Variants in CAPN12 observed in about 807,000 individuals in gnomAD.
The protein encoded by CAPN12 is calpain 12.
A neutral mutation model predicts 95.0 loss-of-function variants in CAPN12; 107 were observed. That is an observed-to-expected ratio of 1.13 (90% CI 0.96 to 1.32). The LOEUF (loss-of-function observed/expected upper bound fraction) is 1.32, where lower values mean the gene tolerates loss of function less well. CAPN12 is among the 40% of genes most tolerant of loss of function. The pLI, the probability that CAPN12 is intolerant of heterozygous loss-of-function variation, is 0.00. For synonymous variants in CAPN12, 505 were observed against 415.5 expected (o/e 1.22, Z -2.62); for missense variants, 1,136 against 997.8 (o/e 1.14, Z -1.87).
chr19:38,730,596 G>C lies in CAPN12; in HGVS notation c.*256C>G. The C allele has an allele frequency of 1.8e-6, 1 of 570,806 alleles. No individual in the cohort carries two copies. The highest frequency in any genetic ancestry group is 2.2e-5 in the South Asian group (1 of 45,248). 35.4% of individuals were successfully genotyped at this position (570,806 alleles called of 1,614,324 possible). A position where few individuals can be genotyped will look rare whatever the true frequency, so the allele number is the denominator to read the frequency against. ...TCCTCCACCTTCTAGGAGAGCCAGG[G>C]CAGAGCTAGCACTGTCTTAAGCTGT... On this transcript the variant is annotated 3_prime_UTR_variant, in exon 21 of 21. Transcript: ENST00000328867.
intron 4 of CAPN12, 79 bp downstream of exon 4, chr19:38,741,698 G>C (rs891221457): frequency 2.6e-6 from 4 of 1,557,198 alleles, no homozygotes; most frequent in Non-Finnish European, 3.5e-6. Flanking sequence ...GCAGAGCTTG[G>C]GGGACTCTGG....
chr19:38,744,464 A>G lies in CAPN12; in HGVS notation c.-299T>C. 1 of 489,374 alleles carries G rather than the reference A, an allele frequency of 2.0e-6. No homozygotes were observed. Among genetic ancestry groups the G allele is most frequent in the East Asian group, 3.9e-5 (1 of 25,528 alleles). 30.3% of individuals were successfully genotyped at this position (489,374 alleles called of 1,614,324 possible). ...GGCTGCCGCTGTCAGAGCACCAAGAAGGAGGTCAGTGTGGGGGTGAGCTTC... is the reference window on the plus strand; with the variant it reads ...GGCTGCCGCTGTCAGAGCACCAAGAGGGAGGTCAGTGTGGGGGTGAGCTTC... On this transcript the variant is annotated 5_prime_UTR_variant, in exon 1 of 21. Coordinates refer to ENST00000328867, the MANE Select transcript of CAPN12 (RefSeq NM_144691.4).
At chr19:38,738,830 G>A in intron 5 of CAPN12, 182 bp from the exon 6 acceptor site, 1 of 613,512 alleles carries the variant, frequency 1.6e-6, no homozygotes, top group South Asian at 1.9e-5. Flanking sequence ...GAGGAAGGGA[G>A]ATGGAAACGA....
At chr19:38,734,107 C>T (rs1439650103) in intron 17 of CAPN12, 35 bp downstream of exon 17, 3 of 1,609,732 alleles carry the variant, frequency 1.9e-6, no homozygotes, top group South Asian at 2.2e-5. Flanking sequence ...AAAGGTTTCT[C>T]TCTTTCTGGG....
rs71165570 is a variant in CAPN12, at chr19:38,736,923, A to ACTCCCCTC, written c.1362+225_1362+232dup. 5,901 of 130,664 alleles carry ACTCCCCTC rather than the reference A, an allele frequency of 0.045. 172 individuals carry two copies. The highest frequency in any genetic ancestry group is 0.11 in the Admixed American group (656 of 5,998). The allele number at this position is 130,664 out of a possible 1,614,324, so 8.1% of individuals were successfully genotyped here. On this transcript the variant is annotated intron_variant, in intron 10 of 20. Transcript: ENST00000328867. ...GGCCCCCCAGCCCTACTAGCCCCCT[A>ACTCCCCTC]CTCCCCTCCCAGCGCCGCCCCCTCT...
At chr19:38,734,719 G>A in intron 15 of CAPN12, 94 bp downstream of exon 15, 1 of 1,160,240 alleles carries the variant, frequency 8.6e-7, no homozygotes, top group Middle Eastern at 2.4e-4. Flanking sequence ...ACTCCCAGCA[G>A]CGCGGTGGGT....
At position 38,738,457 on chromosome 19, in the gene CAPN12, G is replaced by A; in HGVS notation, c.851C>T (p.Pro284Leu). Residue 284 changes from proline to leucine, a missense_variant, in exon 7 of 21, where the codon CCA (proline) becomes CTA (leucine). Coordinates refer to ENST00000328867, the MANE Select transcript of CAPN12 (RefSeq NM_144691.4). ...CCCCGTCCACTCCACGCAGCCCCAT[G>A]GGTTCCGCAGCCGCAGCAGCCGCAC... Reference protein sequence around the residue: ...TKVRLLRLRNPWGCVEWTGAW... With the variant: ...TKVRLLRLRNLWGCVEWTGAW... 2 of 1,610,500 alleles carry A rather than the reference G, an allele frequency of 1.2e-6. No homozygotes were observed. The highest frequency in any genetic ancestry group is 1.7e-6 in the Non-Finnish European group (2 of 1,178,288).
chr19:38,743,755 C>T (rs554050341), intron 1 of CAPN12, among the ~76,000 whole-genome samples, 174 bp downstream of exon 1: 35 of 148,548 alleles, frequency 2.4e-4, no homozygotes, highest in Non-Finnish European at 4.6e-4. Context: ...CCCTCAGACC[C>T]AGGAGTCCAG....
chr19:38,738,202 G>A, intron 8 of CAPN12, 71 bp downstream of exon 8: 1 of 1,512,908 alleles, frequency 6.6e-7, no homozygotes, highest in Non-Finnish European at 9.1e-7. Flanking sequence ...TCCTTCAACT[G>A]GGGCTCGCCC....
At chr19:38,730,935 G>A (rs1168571081) in intron 20 of CAPN12, 30 bp downstream of exon 20, 1 of 1,550,492 alleles carries the variant, frequency 6.4e-7, no homozygotes, top group South Asian at 1.2e-5. Flanking sequence ...GACAGAGCCT[G>A]AGCCACCCTG....
intron 4 of CAPN12, among the ~76,000 whole-genome samples, chr19:38,741,224 CTG>C (rs1248899554): frequency 6.6e-6 from 1 of 152,064 alleles, no homozygotes; most frequent in African/African-American, 2.4e-5. Context: ...TTATGAGTGA[CTG>C]GGGGTCTCCA....
intron 8 of CAPN12, 42 bp from the exon 9 acceptor site, chr19:38,737,680 A>G: frequency 6.7e-7 from 1 of 1,494,006 alleles, no homozygotes; most frequent in Non-Finnish European, 8.9e-7. Context: ...CCCCACCTCG[A>G]GGGGGTCCCA....
chr19:38,740,019 G>A (rs200499989), intron 5 of CAPN12, 32 bp downstream of exon 5: 3 of 1,521,314 alleles, frequency 2.0e-6, no homozygotes, highest in Non-Finnish European at 2.6e-6. Flanking sequence ...TGGTCCTGGT[G>A]GGGGTTCCGC....
chr19:38,730,847 A>T lies in CAPN12; in HGVS notation c.*5T>A. 1 of 1,551,066 alleles carries T rather than the reference A, an allele frequency of 6.4e-7. No homozygotes were observed. Among genetic ancestry groups the T allele is most frequent in the South Asian group, 1.2e-5 (1 of 84,084 alleles). ...CTGAGCAGCAGGTGCGCCCATCCGGAGATCCTAGGAGAAGGTGGCCACCTC... is the reference window on the plus strand; with the variant it reads ...CTGAGCAGCAGGTGCGCCCATCCGGTGATCCTAGGAGAAGGTGGCCACCTC... On this transcript the variant is annotated 3_prime_UTR_variant, in exon 21 of 21. Transcript: ENST00000328867.
chr19:38,740,254 A>G (rs1216127781), intron 4 of CAPN12, 35 bp from the exon 5 acceptor site: 1 of 1,544,218 alleles, frequency 6.5e-7, no homozygotes, highest in East Asian at 2.4e-5. Context: ...GGTTGAGGCA[A>G]GTACAAGCGT....
chr19:38,730,776 A>G lies in CAPN12; in HGVS notation c.*76T>C, dbSNP rs1186192355. ...GTGGATGCCAGAGAGAGTGGCACCC[A>G]TGCCAGGCAAGGCCTAGGGAGGTGG... On this transcript the variant is annotated 3_prime_UTR_variant, in exon 21 of 21. Transcript: ENST00000328867. 7.2e-6 allele frequency: 11 copies of G among 1,522,180 alleles called. No individual in the cohort carries two copies. The highest frequency in any genetic ancestry group is 8.0e-6 in the Non-Finnish European group (9 of 1,123,664). 94.3% of individuals were successfully genotyped at this position (1,522,180 alleles called of 1,614,324 possible).
chr19:38,730,430 C>CT lies in CAPN12; in HGVS notation c.*421dup, dbSNP rs1202093647. On this transcript the variant is annotated 3_prime_UTR_variant, in exon 21 of 21. Transcript: ENST00000328867. ...TGGTTGATGGTTTTGCTCCCCCTAC[C>CT]TTTTTTTTTTGAGTTTATTCTGATT... 6.4e-3 allele frequency: 1,121 copies of CT among 175,770 alleles called. 2 individuals carry two copies. The highest frequency in any genetic ancestry group is 0.011 in the South Asian group (93 of 8,558). The allele number at this position is 175,770 out of a possible 1,614,324, so 10.9% of individuals were successfully genotyped here.
At chr19:38,732,298 C>T (rs1192044216) in intron 18 of CAPN12, among the ~76,000 whole-genome samples, 1 of 152,208 alleles carries the variant, frequency 6.6e-6, no homozygotes, top group African/African-American at 2.4e-5. Flanking sequence ...CCTTGGCTGT[C>T]TCTGACCCCA....
intron 2 of CAPN12, among the ~76,000 whole-genome samples, 154 bp downstream of exon 2, chr19:38,742,879 A>G (rs549617440): frequency 3.5e-5 from 5 of 142,680 alleles, no homozygotes; most frequent in African/African-American, 1.3e-4. Flanking sequence ...AAAAGGAAGG[A>G]AGGAAGGAGG....
Sources: gnomAD v4.1 joint callset for allele counts (sites outside exome capture counted in the v4.1 genomes callset) on GRCh38, gnomAD v4.1.1 for gene constraint, MANE v1.5 for transcripts, NCBI Gene and HGNC (gene_info 2026-07-23, HGNC 2026-07-21) for gene names.